The following SOBP variants were observed in gnomAD, a reference collection of about 807,000 sequenced individuals.
The protein encoded by SOBP is sine oculis binding protein homolog, also known as sine oculis-binding protein homolog.
Under a neutral mutation model 53.6 loss-of-function variants are expected in SOBP, and 4 were observed. That is an observed-to-expected ratio of 0.07 (90% CI 0.04 to 0.17). The LOEUF is 0.17. SOBP is among the 10% of genes least tolerant of loss of function. The pLI, the probability that SOBP is intolerant of heterozygous loss-of-function variation, is 1.00. For missense variants in SOBP, 1,088 were observed against 1,204.7 expected, an observed-to-expected ratio of 0.90 and a Z score of 1.43; for synonymous variants, 584 against 522.6, an observed-to-expected ratio of 1.12 and a Z score of -1.60.
rs1770833904 is a variant in SOBP, at chr6:107,633,900, C to T, written c.1056C>T (p.Ser352=). Reference sequence around the variant, plus strand: ...AAATCCCCACGCCAGTGCCCAAGTCCATCCCCATCAGCGAGACTCCAAATA... The same window carrying T: ...AAATCCCCACGCCAGTGCCCAAGTCTATCCCCATCAGCGAGACTCCAAATA... ...VTKIPTPVPK[S]IPISETPNIP... Residue 352 remains serine (S), a synonymous_variant, in exon 6 of 7, where the codon TCC becomes TCT. Coordinates refer to ENST00000317357, the MANE Select transcript of SOBP (RefSeq NM_018013.4). 6.2e-7 allele frequency: 1 copy of T among 1,614,118 alleles called. No homozygotes were observed. The highest frequency in any genetic ancestry group is 1.3e-5 in the African/African-American group (1 of 74,946).
chr6:107,561,243 AAGG>A (rs1326905764), intron 4 of SOBP, among the ~76,000 whole-genome samples: 2 of 152,184 alleles, frequency 1.3e-5, no homozygotes, highest in African/African-American at 4.8e-5. Context: ...AACATTACAG[AAGG>A]AGAAGCAAGG....
At chr6:107,536,624 T>C (rs967016926) in intron 4 of SOBP, among the ~76,000 whole-genome samples, 4 of 152,204 alleles carry the variant, frequency 2.6e-5, no homozygotes, top group East Asian at 1.9e-4. Flanking sequence ...GTGGGATGGA[T>C]TGAAGCCAGG....
chr6:107,635,405 C>T lies in SOBP; in HGVS notation c.2561C>T (p.Pro854Leu). 6.2e-7 allele frequency: 1 copy of T among 1,613,410 alleles called. No individual in the cohort carries two copies. The highest frequency in any genetic ancestry group is 8.5e-7 in the Non-Finnish European group (1 of 1,180,018). ...TCCTCGCCCATGCTCAGCGCCGGGC[C>T]TGAGGACCTGGAGCCGCCGCTCAAA... is the stretch of plus-strand genomic sequence containing the variant. The part of the protein sequence containing the change: ...IISSPMLSAG[P>L]EDLEPPLKRR... The change falls in exon 6 of 7, where the codon CCT becomes CTT. Residue 854 changes from proline to leucine, a missense_variant. Physicochemically the swap from Pro to Leu is moderately conservative, Grantham distance 98. Around this residue, in one of 6 missense-constraint regions of SOBP, gnomAD observed 665 missense variants for 629.7 expected, o/e 1.06. Transcript: ENST00000317357. This position sits in a 1 kb window ranked among gnomAD's most constrained non-coding sequence, Gnocchi z 4.5.
chr6:107,545,279 T>TA (rs1784266403), intron 4 of SOBP, among the ~76,000 whole-genome samples: 1 of 152,248 alleles, frequency 6.6e-6, no homozygotes, highest in Non-Finnish European at 1.5e-5. Flanking sequence ...ACTATATAGT[T>TA]ACGTTAACGT....
At chr6:107,529,777 A>T (rs577070607) in intron 3 of SOBP, among the ~76,000 whole-genome samples, 37 of 152,318 alleles carry the variant, frequency 2.4e-4, no homozygotes, top group African/African-American at 8.2e-4. Context: ...TATAATAAAT[A>T]CAATTTTGAT....
At chr6:107,561,524 GC>G (rs1468855987) in intron 4 of SOBP, among the ~76,000 whole-genome samples, 2 of 152,168 alleles carry the variant, frequency 1.3e-5, no homozygotes, top group Non-Finnish European at 2.9e-5. Context: ...GTCTGTCTGG[GC>G]TTGGCTGGGC....
At position 107,490,486 on chromosome 6, in the gene SOBP, G is replaced by A; in HGVS notation, c.-131G>A. ...GCCCTCCCCCTCGCGGCTCGGTCCG[G>A]CCCCGCCAGCACCGCTACCTCCGCC... On this transcript the variant is annotated 5_prime_UTR_variant, in exon 1 of 7. Coordinates refer to ENST00000317357, the MANE Select transcript of SOBP (RefSeq NM_018013.4). 2 of 686,154 alleles carry A rather than the reference G, an allele frequency of 2.9e-6. No individual in the cohort carries two copies. The highest frequency in any genetic ancestry group is 2.8e-5 in the East Asian group (1 of 35,498). 42.5% of individuals were successfully genotyped at this position (686,154 alleles called of 1,614,324 possible). A position where few individuals can be genotyped will look rare whatever the true frequency, so the allele number is the denominator to read the frequency against.
chr6:107,656,325 A>C (rs1739876), intron 6 of SOBP, among the ~76,000 whole-genome samples: 2,713 of 12,480 alleles, frequency 0.22, 81 homozygotes, highest in East Asian at 0.45. Context: ...GAAAGAAAGA[A>C]AGAAAGAAAG....
chr6:107,556,239 C>T (rs1042955563), intron 4 of SOBP, among the ~76,000 whole-genome samples: 1 of 152,132 alleles, frequency 6.6e-6, no homozygotes, highest in African/African-American at 2.4e-5. Flanking sequence ...TCTAATGATC[C>T]CATTCAGTGG....
intron 6 of SOBP, among the ~76,000 whole-genome samples, chr6:107,639,168 G>T (rs900576175): frequency 6.6e-6 from 1 of 152,218 alleles, no homozygotes; most frequent in African/African-American, 2.4e-5. Flanking sequence ...CTCCCAAAGT[G>T]TTGGGATTAC....
At chr6:107,497,371 T>C (rs1782728045) in intron 1 of SOBP, among the ~76,000 whole-genome samples, 1 of 152,240 alleles carries the variant, frequency 6.6e-6, no homozygotes, top group Non-Finnish European at 1.5e-5. Context: ...CTTTTTATTG[T>C]CATTAGGACT....
intron 5 of SOBP, among the ~76,000 whole-genome samples, chr6:107,606,611 T>C (rs146879751): frequency 3.1e-4 from 47 of 152,290 alleles, no homozygotes; most frequent in Middle Eastern, 6.8e-3. Flanking sequence ...AATCCCAAAC[T>C]GCCTTTGTGT....
At chr6:107,567,678 G>T (rs1214505306) in intron 4 of SOBP, among the ~76,000 whole-genome samples, 1 of 152,188 alleles carries the variant, frequency 6.6e-6, no homozygotes, top group Non-Finnish European at 1.5e-5. Context: ...TGTAAAACAT[G>T]TAGGAATTTT....
At chr6:107,549,459 A>C (rs1784403948) in intron 4 of SOBP, among the ~76,000 whole-genome samples, 1 of 149,434 alleles carries the variant, frequency 6.7e-6, no homozygotes, top group Non-Finnish European at 1.5e-5. Flanking sequence ...GAAAAAAAAA[A>C]CCCTAGATGC....
At chr6:107,609,353 A>G (rs766834996) in intron 5 of SOBP, among the ~76,000 whole-genome samples, 4 of 152,176 alleles carry the variant, frequency 2.6e-5, no homozygotes, top group African/African-American at 9.7e-5. Flanking sequence ...ACCACTTCAG[A>G]GAGGTATGTA....
intron 1 of SOBP, among the ~76,000 whole-genome samples, chr6:107,495,621 C>CT (rs1307029972): frequency 1.3e-5 from 2 of 152,116 alleles, no homozygotes; most frequent in Non-Finnish European, 1.5e-5. Flanking sequence ...AAGCCCTACT[C>CT]TCCTTGTGTG....
intron 4 of SOBP, among the ~76,000 whole-genome samples, chr6:107,541,045 G>A (rs566217700): frequency 2.0e-5 from 3 of 152,236 alleles, no homozygotes; most frequent in South Asian, 2.1e-4. Flanking sequence ...AGTAAATAGC[G>A]GAATAAAATC....
chr6:107,589,864 C>T (rs1177994803), intron 5 of SOBP, among the ~76,000 whole-genome samples: 1 of 152,228 alleles, frequency 6.6e-6, no homozygotes, highest in Non-Finnish European at 1.5e-5. Context: ...TGCACACACA[C>T]ACACACGGGT....
At chr6:107,498,126 A>C (rs1364183278) in intron 1 of SOBP, among the ~76,000 whole-genome samples, 1 of 152,230 alleles carries the variant, frequency 6.6e-6, no homozygotes, top group Non-Finnish European at 1.5e-5. Context: ...GTGTTAGGTG[A>C]GGCATAAAAT....
Sources: gnomAD v4.1 joint callset for allele counts (sites outside exome capture counted in the v4.1 genomes callset) on GRCh38, gnomAD v4.1.1 for gene constraint, gnomAD v4.1.1 regional missense constraint, Gnocchi (gnomAD v3.1) non-coding constraint, MANE v1.5 for transcripts, NCBI Gene and HGNC (gene_info 2026-07-23, HGNC 2026-07-21) for gene names.